Variants in UST observed in about 807,000 individuals in gnomAD.
UST encodes the protein uronyl 2-sulfotransferase.
Under a neutral mutation model 45.6 loss-of-function variants are expected in UST, and 21 were observed. The ratio of observed to expected loss-of-function variants is 0.46; its 90% confidence interval spans 0.33 to 0.66. The LOEUF is 0.66. Among genes scored for constraint, UST ranks in the 30% least tolerant of loss-of-function variants. The pLI is 0.02. For missense variants in UST, 463 were observed against 512.4 expected (o/e 0.90, Z 0.93); for synonymous variants, 215 against 200.6 (o/e 1.07, Z -0.61).
intron 1 of UST, among the ~76,000 whole-genome samples, chr6:148,767,943 T>G (rs1183479137): frequency 1.3e-5 from 2 of 151,986 alleles, no homozygotes; most frequent in Non-Finnish European, 2.9e-5. Context: ...CCATTTCTAG[T>G]TTTTTTTGTG....
chr6:148,804,083 T>A (rs973449044), intron 1 of UST, among the ~76,000 whole-genome samples: 5 of 152,102 alleles, frequency 3.3e-5, no homozygotes, highest in African/African-American at 1.2e-4. Context: ...AGTGAATAAA[T>A]AAAAGAAATG....
At chr6:149,066,114 AC>A (rs1412479547) in intron 7 of UST, 1 of 152,474 alleles carries the variant, frequency 6.6e-6, no homozygotes, top group Non-Finnish European at 1.5e-5. Flanking sequence ...CCAGGAAAAC[AC>A]TGTTGCAGAT....
At chr6:148,899,130 C>T (rs6903489) in intron 2 of UST, among the ~76,000 whole-genome samples, 5,569 of 132,380 alleles carry the variant, frequency 0.042, 407 homozygotes, top group African/African-American at 0.15. Flanking sequence ...GATGGAGTCT[C>T]GCTCTGTCGC....
intron 1 of UST, among the ~76,000 whole-genome samples, chr6:148,759,352 C>T (rs1424446743): frequency 1.3e-5 from 2 of 151,310 alleles, no homozygotes; most frequent in African/African-American, 2.4e-5. Flanking sequence ...GGTGAAACCC[C>T]GTCTCTACTA....
chr6:149,032,221 C>T (rs1257489325), intron 7 of UST, among the ~76,000 whole-genome samples: 1 of 152,170 alleles, frequency 6.6e-6, no homozygotes, highest in African/African-American at 2.4e-5. Context: ...ACCCTCCCCC[C>T]GTTTCCCTGC....
chr6:148,992,292 C>T (rs1463387733), intron 5 of UST, among the ~76,000 whole-genome samples: 1 of 152,112 alleles, frequency 6.6e-6, no homozygotes, highest in Admixed American at 6.5e-5. Flanking sequence ...ATCACGAGGT[C>T]AGGAGATCGA....
rs143284056 is a variant in UST, at chr6:148,840,032, C to T, written c.248-46954C>T. 3.9e-3 allele frequency among the ~76,000 whole-genome samples: 593 copies of T among 152,222 alleles called. 1 individual carries two copies. The highest frequency in any genetic ancestry group is 0.014 in the Middle Eastern group (4 of 294). ...GTATTGAAGGGAATGTTGTCTGAGT[C>T]GGACTCCAGTCAGGAAACAGAAACT... On this transcript the variant is annotated intron_variant, in intron 1 of 7. Coordinates refer to ENST00000367463, the MANE Select transcript of UST (RefSeq NM_005715.3).
At chr6:148,909,495 T>C (rs1779434312) in intron 2 of UST, among the ~76,000 whole-genome samples, 1 of 152,242 alleles carries the variant, frequency 6.6e-6, no homozygotes. Flanking sequence ...CATCTTACTC[T>C]AAAAAGACTC....
chr6:148,891,380 G>A (rs1019548976), intron 2 of UST, among the ~76,000 whole-genome samples: 1 of 152,210 alleles, frequency 6.6e-6, no homozygotes, highest in African/African-American at 2.4e-5. Context: ...AAGGAGAGCT[G>A]TTCTAACCGC....
chr6:149,013,348 G>A (rs1038858530), intron 5 of UST, among the ~76,000 whole-genome samples: 3 of 151,940 alleles, frequency 2.0e-5, no homozygotes, highest in East Asian at 1.9e-4. Context: ...TCAGGAGTTC[G>A]AGTTTGCCGC....
chr6:149,063,162 C>G (rs1236651180), intron 7 of UST, among the ~76,000 whole-genome samples: 1 of 152,154 alleles, frequency 6.6e-6, no homozygotes, highest in Non-Finnish European at 1.5e-5. Flanking sequence ...GAAGTCTATC[C>G]CCCTGTGGCC....
intron 7 of UST, among the ~76,000 whole-genome samples, chr6:149,045,161 G>A (rs1396889622): frequency 7.8e-6 from 1 of 128,522 alleles, no homozygotes; most frequent in Non-Finnish European, 1.7e-5. Context: ...AAGTGTGGAT[G>A]TGTGGACAGG....
chr6:149,063,785 G>A (rs949151391), intron 7 of UST, among the ~76,000 whole-genome samples: 4 of 152,212 alleles, frequency 2.6e-5, no homozygotes, highest in Non-Finnish European at 5.9e-5. Flanking sequence ...GTGCTGAGCT[G>A]TGGAAATACA....
intron 7 of UST, among the ~76,000 whole-genome samples, chr6:149,070,764 T>TTTA (rs567922235): frequency 1.8e-4 from 27 of 149,850 alleles, no homozygotes; most frequent in African/African-American, 3.7e-4. Context: ...TTTTAGTTAT[T>TTTA]TTATTATTAT....
At chr6:149,035,158 A>AT (rs545231568) in intron 7 of UST, among the ~76,000 whole-genome samples, 79 of 151,850 alleles carry the variant, frequency 5.2e-4, no homozygotes, top group Middle Eastern at 3.4e-3. Flanking sequence ...TCTTTTGAAC[A>AT]TTTTTTCTCT....
chr6:148,984,864 A>G (rs1781210615), intron 5 of UST, among the ~76,000 whole-genome samples: 1 of 152,234 alleles, frequency 6.6e-6, no homozygotes, highest in East Asian at 1.9e-4. Flanking sequence ...AGAGCAAAAT[A>G]AACTATTTTG....
intron 7 of UST, among the ~76,000 whole-genome samples, chr6:149,071,336 A>G (rs17732007): frequency 0.24 from 36,359 of 152,102 alleles, 4,458 homozygotes; most frequent in Admixed American, 0.27. Flanking sequence ...CTGATTTTGG[A>G]AATAGCCATT....
chr6:148,958,234 T>C (rs1780565008), intron 4 of UST, among the ~76,000 whole-genome samples: 1 of 152,198 alleles, frequency 6.6e-6, no homozygotes, highest in South Asian at 2.1e-4. Context: ...TTTCCTTTTT[T>C]AGAGTTAGAA....
intron 1 of UST, among the ~76,000 whole-genome samples, chr6:148,775,564 A>G (rs1176960971): frequency 1.3e-5 from 2 of 152,184 alleles, no homozygotes; most frequent in Non-Finnish European, 2.9e-5. Context: ...GGGTGTGCAT[A>G]CACACATACA....
Sources: gnomAD v4.1 joint callset for allele counts (sites outside exome capture counted in the v4.1 genomes callset) on GRCh38, gnomAD v4.1.1 for gene constraint, MANE v1.5 for transcripts, NCBI Gene and HGNC (gene_info 2026-07-23, HGNC 2026-07-21) for gene names.